TAFA1: variants seen among roughly 807,000 people sequenced by gnomAD.
The protein encoded by TAFA1 is TAFA chemokine like family member 1.
TAFA1 carries 4 observed loss-of-function variants against 18.5 expected under a neutral mutation model. The observed-to-expected ratio is 0.22, with a 90% CI of 0.11 to 0.49. The LOEUF is 0.49. Among genes scored for constraint, TAFA1 ranks in the 20% least tolerant of loss-of-function variants. TAFA1 has a pLI of 0.98. For missense variants in TAFA1, 147 were observed against 169.0 expected, an observed-to-expected ratio of 0.87 and a Z score of 0.72; for synonymous variants, 56 against 55.2, an observed-to-expected ratio of 1.01 and a Z score of -0.06.
intron 2 of TAFA1, among the ~76,000 whole-genome samples, chr3:68,299,860 G>A (rs2068273158): frequency 6.6e-6 from 1 of 152,204 alleles, no homozygotes; most frequent in Non-Finnish European, 1.5e-5. Context: ...GTGTTGTTGG[G>A]CTTGTAGGTA....
intron 2 of TAFA1, among the ~76,000 whole-genome samples, chr3:68,101,847 A>G (rs1230839861): frequency 1.3e-5 from 2 of 152,206 alleles, no homozygotes; most frequent in Admixed American, 1.3e-4. Context: ...TTACTTTTGG[A>G]CAACTCCTGA....
At chr3:68,032,441 A>G (rs1704955417) in intron 2 of TAFA1, among the ~76,000 whole-genome samples, 1 of 152,162 alleles carries the variant, frequency 6.6e-6, no homozygotes, top group Non-Finnish European at 1.5e-5. Context: ...TCACATATCC[A>G]AAAGAAACAC....
chr3:68,064,017 G>C (rs927216126), intron 2 of TAFA1, among the ~76,000 whole-genome samples: 1 of 152,136 alleles, frequency 6.6e-6, no homozygotes, highest in African/African-American at 2.4e-5. Context: ...CAGGAATTCA[G>C]CTGGAATCCT....
chr3:68,500,611 C>A (rs1323678586), intron 3 of TAFA1, among the ~76,000 whole-genome samples: 4 of 151,954 alleles, frequency 2.6e-5, no homozygotes, highest in African/African-American at 9.7e-5. Flanking sequence ...TATATATCAT[C>A]TATGCTGCTT....
chr3:68,520,485 T>C (rs1427923028), intron 3 of TAFA1, among the ~76,000 whole-genome samples: 1 of 152,254 alleles, frequency 6.6e-6, no homozygotes, highest in Admixed American at 6.5e-5. Flanking sequence ...TGCTCTCGTC[T>C]TCTTGCAGAA....
At chr3:68,349,571 A>T (rs1223749446) in intron 2 of TAFA1, among the ~76,000 whole-genome samples, 4 of 152,090 alleles carry the variant, frequency 2.6e-5, no homozygotes, top group Non-Finnish European at 2.9e-5. Context: ...TTCATAGGAA[A>T]AAAAGTCAAG....
intron 2 of TAFA1, among the ~76,000 whole-genome samples, chr3:68,049,924 T>C (rs4130988): frequency 0.51 from 77,199 of 151,868 alleles, 20,030 homozygotes; most frequent in South Asian, 0.64. Flanking sequence ...GGAACAGTAA[T>C]ACTCAGATAC....
At chr3:68,074,881 A>T (rs1011566746) in intron 2 of TAFA1, among the ~76,000 whole-genome samples, 8 of 152,248 alleles carry the variant, frequency 5.3e-5, no homozygotes, top group African/African-American at 1.9e-4. Flanking sequence ...ATAGTTGTCA[A>T]CATACAGAAT....
intron 2 of TAFA1, among the ~76,000 whole-genome samples, chr3:68,197,513 G>A (rs2066425635): frequency 6.6e-6 from 1 of 151,608 alleles, no homozygotes; most frequent in African/African-American, 2.4e-5. Context: ...CAGGACCACG[G>A]TGGCTTTATT....
intron 2 of TAFA1, among the ~76,000 whole-genome samples, chr3:68,081,359 C>A (rs975907715): frequency 2.0e-5 from 3 of 151,948 alleles, no homozygotes; most frequent in Non-Finnish European, 2.9e-5. Context: ...CTGGTGAGGA[C>A]CTGCGTTCCT....
chr3:68,174,009 A>G (rs2066092183), intron 2 of TAFA1, among the ~76,000 whole-genome samples: 2 of 152,238 alleles, frequency 1.3e-5, no homozygotes, highest in Admixed American at 6.5e-5. Context: ...AAAACAGTGC[A>G]ATGATAACTA....
At chr3:68,071,284 G>A (rs1402294164) in intron 2 of TAFA1, among the ~76,000 whole-genome samples, 3 of 152,240 alleles carry the variant, frequency 2.0e-5, no homozygotes, top group Non-Finnish European at 4.4e-5. Flanking sequence ...CTTGTGCAGG[G>A]AAACGCCCCC....
intron 2 of TAFA1, among the ~76,000 whole-genome samples, chr3:68,093,914 C>A (rs1372961228): frequency 6.6e-6 from 1 of 152,060 alleles, no homozygotes; most frequent in African/African-American, 2.4e-5. Flanking sequence ...TAGATCTAGT[C>A]ACCAGGCCTG....
chr3:68,490,669 A>G (rs1307163693), intron 3 of TAFA1, among the ~76,000 whole-genome samples: 10 of 152,158 alleles, frequency 6.6e-5, no homozygotes, highest in Admixed American at 2.0e-4. Context: ...TGGAAAATAT[A>G]GTTATTTTTG....
chr3:68,364,831 G>C (rs1168927035), intron 2 of TAFA1, among the ~76,000 whole-genome samples: 1 of 152,122 alleles, frequency 6.6e-6, no homozygotes, highest in African/African-American at 2.4e-5. Context: ...CCTATGATAT[G>C]AATATTATTT....
chr3:68,025,902 C>T (rs921148562), intron 2 of TAFA1, among the ~76,000 whole-genome samples: 2 of 152,290 alleles, frequency 1.3e-5, no homozygotes, highest in South Asian at 4.1e-4. Flanking sequence ...CTTACTATAA[C>T]TCACTTACTT....
chr3:68,472,201 T>C (rs556956421), intron 3 of TAFA1, among the ~76,000 whole-genome samples: 3 of 152,132 alleles, frequency 2.0e-5, no homozygotes, highest in Admixed American at 1.3e-4. Context: ...TGGGGGTGGT[T>C]TTCCCCATAC....
intron 3 of TAFA1, among the ~76,000 whole-genome samples, chr3:68,528,779 A>G (rs2073144549): frequency 6.6e-6 from 1 of 152,198 alleles, no homozygotes; most frequent in Non-Finnish European, 1.5e-5. Context: ...CTCATAAGTC[A>G]TAGAAGCAAG....
At chr3:68,442,156 A>C (rs966212753) in intron 3 of TAFA1, among the ~76,000 whole-genome samples, 8 of 152,088 alleles carry the variant, frequency 5.3e-5, no homozygotes, top group Middle Eastern at 3.4e-3. Context: ...TAATTAGTCC[A>C]TTTTCTGTTG....
Sources: allele counts gnomAD v4.1 joint callset (sites outside exome capture counted in the v4.1 genomes callset), GRCh38; gene constraint gnomAD v4.1.1; transcripts MANE v1.5; gene names NCBI Gene and HGNC (gene_info 2026-07-23, HGNC 2026-07-21).